Variants in PTPN12 observed in about 807,000 individuals in gnomAD.
The protein encoded by PTPN12 is protein tyrosine phosphatase non-receptor type 12, also known as tyrosine-protein phosphatase non-receptor type 12.
In PTPN12, 29 loss-of-function variants were observed where a neutral mutation model predicts 97.6. The ratio of observed to expected loss-of-function variants is 0.30; its 90% CI spans 0.22 to 0.41. The LOEUF (loss-of-function observed/expected upper bound fraction) is 0.41. Among genes scored for constraint, PTPN12 ranks in the 10% least tolerant of loss-of-function variants. PTPN12 has a pLI of 1.00. For synonymous variants in PTPN12, 327 were observed against 300.4 expected (o/e 1.09, Z -0.91); for missense variants, 819 against 926.0 (o/e 0.88, Z 1.50).
intron 1 of PTPN12, among the ~76,000 whole-genome samples, chr7:77,566,251 A>T (rs1285663593): frequency 6.6e-6 from 1 of 152,222 alleles, no homozygotes; most frequent in African/African-American, 2.4e-5. Flanking sequence ...GAGGCTAGAA[A>T]ATTGGACAGG....
chr7:77,572,801 G>A (rs1302733853), intron 2 of PTPN12, among the ~76,000 whole-genome samples: 1 of 152,046 alleles, frequency 6.6e-6, no homozygotes, highest in Admixed American at 6.6e-5. Context: ...AGTGTACCCA[G>A]TGGCCAGGCG....
intron 9 of PTPN12, among the ~76,000 whole-genome samples, chr7:77,607,843 T>C (rs1788427185): frequency 6.6e-6 from 1 of 151,168 alleles, no homozygotes; most frequent in African/African-American, 2.4e-5. Context: ...AACCTCCACC[T>C]CCTGGGTTGA....
chr7:77,599,694 A>T (rs959752308), intron 7 of PTPN12, among the ~76,000 whole-genome samples: 8 of 152,174 alleles, frequency 5.3e-5, no homozygotes, highest in African/African-American at 1.9e-4. Flanking sequence ...TCATATCCAG[A>T]TACTGTTACG....
At chr7:77,562,725 A>C (rs1808056137) in intron 1 of PTPN12, among the ~76,000 whole-genome samples, 1 of 152,222 alleles carries the variant, frequency 6.6e-6, no homozygotes, top group Non-Finnish European at 1.5e-5. Context: ...TGAAACAAAA[A>C]TAATCAAACC....
chr7:77,542,287 C>T (rs1358234562), intron 1 of PTPN12, among the ~76,000 whole-genome samples: 2 of 152,280 alleles, frequency 1.3e-5, no homozygotes, highest in South Asian at 2.1e-4. Flanking sequence ...TCCACTCCAG[C>T]GTCATTCCCC....
intron 1 of PTPN12, among the ~76,000 whole-genome samples, chr7:77,548,576 G>C (rs1279970128): frequency 6.6e-6 from 1 of 152,210 alleles, no homozygotes; most frequent in Non-Finnish European, 1.5e-5. Flanking sequence ...TAGGAAAGCA[G>C]ATGCTTTTTA....
chr7:77,548,424 T>A (rs1368053588), intron 1 of PTPN12, among the ~76,000 whole-genome samples: 5 of 152,184 alleles, frequency 3.3e-5, no homozygotes. Context: ...CTAGACACCT[T>A]CTTCCCCATT....
chr7:77,615,564 A>G (rs1201725299), intron 11 of PTPN12, among the ~76,000 whole-genome samples: 1 of 152,174 alleles, frequency 6.6e-6, no homozygotes, highest in Non-Finnish European at 1.5e-5. Flanking sequence ...CAGGGCGACA[A>G]AGCGAGACCC....
intron 1 of PTPN12, among the ~76,000 whole-genome samples, chr7:77,565,649 C>T (rs1808227277): frequency 6.6e-6 from 1 of 152,164 alleles, no homozygotes; most frequent in Admixed American, 6.5e-5. Flanking sequence ...AATCTTGACA[C>T]ACAAGTGGGT....
At chr7:77,616,543 A>G (rs1007902539) in intron 11 of PTPN12, among the ~76,000 whole-genome samples, 1 of 152,248 alleles carries the variant, frequency 6.6e-6, no homozygotes, top group Non-Finnish European at 1.5e-5. Context: ...TGTGAATTCA[A>G]TATTACACTC....
chr7:77,636,455 G>A (rs989312532), intron 15 of PTPN12, among the ~76,000 whole-genome samples: 1 of 151,952 alleles, frequency 6.6e-6, no homozygotes, highest in Non-Finnish European at 1.5e-5. Flanking sequence ...GGTGGCGCAT[G>A]TCTATGGTCC....
At chr7:77,631,509 C>T (rs967020488) in intron 13 of PTPN12, among the ~76,000 whole-genome samples, 1 of 152,188 alleles carries the variant, frequency 6.6e-6, no homozygotes, top group Non-Finnish European at 1.5e-5. Flanking sequence ...CCTCCCCAAC[C>T]TGAGAGTTCA....
chr7:77,565,646 A>T (rs535652895), intron 1 of PTPN12, among the ~76,000 whole-genome samples: 10 of 152,334 alleles, frequency 6.6e-5, no homozygotes, highest in Middle Eastern at 3.4e-3. Flanking sequence ...TTGAATCTTG[A>T]CACACAAGTG....
chr7:77,598,566 C>T (rs1383765813), intron 7 of PTPN12, among the ~76,000 whole-genome samples: 1 of 151,956 alleles, frequency 6.6e-6, no homozygotes, highest in African/African-American at 2.4e-5. Context: ...ACCTATAATC[C>T]CAGCTACTCA....
At chr7:77,577,121 T>C (rs1787368561) in intron 2 of PTPN12, among the ~76,000 whole-genome samples, 1 of 152,170 alleles carries the variant, frequency 6.6e-6, no homozygotes, top group Admixed American at 6.5e-5. Flanking sequence ...GTCAAGTGAG[T>C]GAGAACAGGC....
rs540812626 is a variant in PTPN12 at position 77,588,318 on chromosome 7, T to C, written c.420+2737T>C. 7.9e-5 allele frequency among the ~76,000 whole-genome samples: 12 copies of C among 152,314 alleles called. No individual in the cohort carries two copies. The South Asian group carries it at 2.1e-3, about 26-fold the overall frequency. On this transcript the variant is annotated intron_variant, in intron 5 of 17. Transcript: ENST00000248594. ...GGGTTATTAGTTAGTCTAATTTCAA[T>C]ATTGTGTCTCAGGAAATAGGAAAGC...
intron 13 of PTPN12, among the ~76,000 whole-genome samples, chr7:77,628,220 C>T (rs1294730350): frequency 6.6e-6 from 1 of 152,160 alleles, no homozygotes; most frequent in Non-Finnish European, 1.5e-5. Flanking sequence ...CTGCAAACTG[C>T]TCAATTCAGT....
intron 1 of PTPN12, among the ~76,000 whole-genome samples, chr7:77,537,859 C>T (rs1390636019): frequency 6.6e-6 from 1 of 151,912 alleles, no homozygotes; most frequent in African/African-American, 2.4e-5. Context: ...TCGCGACCCC[C>T]GCGCGGGTTC....
At position 77,581,954 on chromosome 7, in the gene PTPN12, C is replaced by A. The variant is rs12531248; in HGVS notation, c.285+451C>A. On this transcript the variant is annotated intron_variant, in intron 3 of 17. Transcript: ENST00000248594. ...TACTGGATAATACTGATTTAAAATTCTAGAACATAGCTTTAAATGTAAAAC... is the reference window on the plus strand; with the variant it reads ...TACTGGATAATACTGATTTAAAATTATAGAACATAGCTTTAAATGTAAAAC... 6.1e-3 allele frequency among the ~76,000 whole-genome samples: 933 copies of A among 152,142 alleles called. 5 individuals carry two copies. Among genetic ancestry groups the A allele is most frequent in the Middle Eastern group, 0.037 (11 of 294 alleles).
Sources: gnomAD v4.1 joint callset for allele counts (sites outside exome capture counted in the v4.1 genomes callset) on GRCh38, gnomAD v4.1.1 for gene constraint, MANE v1.5 for transcripts, NCBI Gene and HGNC (gene_info 2026-07-23, HGNC 2026-07-21) for gene names.